The following CATSPERT variants were observed in gnomAD, a reference collection of about 807,000 sequenced individuals.
CATSPERT encodes the protein cation channel sperm-associated targeting subunit tau.
the CATSPERT span, among the ~76,000 whole-genome samples, chr2:201,560,571 G>A: frequency 6.6e-6 from 1 of 151,644 alleles, no homozygotes. Flanking sequence ...GAAATAATAC[G>A]GGCAGATGAA....
chr2:201,550,460 C>G, the CATSPERT span: 2 of 152,226 alleles, frequency 1.3e-5, no homozygotes, highest in East Asian at 3.9e-4. Flanking sequence ...TATACCTACT[C>G]TTTAAACCTG....
At chr2:201,569,361 C>G in the CATSPERT span, among the ~76,000 whole-genome samples, 3 of 152,156 alleles carry the variant, frequency 2.0e-5, no homozygotes, top group Non-Finnish European at 2.9e-5. Context: ...GGCTTCCTAT[C>G]TACTCATGTC....
the CATSPERT span, among the ~76,000 whole-genome samples, chr2:201,527,371 C>T: frequency 3.9e-5 from 6 of 152,154 alleles, no homozygotes; most frequent in African/African-American, 1.4e-4. Flanking sequence ...TCCTACCAAA[C>T]CACCAATGAC....
chr2:201,503,476 C>T, the CATSPERT span, among the ~76,000 whole-genome samples: 2 of 152,116 alleles, frequency 1.3e-5, no homozygotes, highest in Non-Finnish European at 2.9e-5. Context: ...CTCACTGTAG[C>T]CTCTAACTCC....
chr2:201,581,535 GA>G, the CATSPERT span, among the ~76,000 whole-genome samples: 1 of 14,934 alleles, frequency 6.7e-5, no homozygotes, highest in Non-Finnish European at 1.3e-4. Context: ...AAATATTCTG[GA>G]AAAAAATGTG....
chr2:201,553,827 C>T, the CATSPERT span: 9 of 152,192 alleles, frequency 5.9e-5, no homozygotes, highest in African/African-American at 1.9e-4. Context: ...CTAATAGGCA[C>T]TGTCTGCCTG....
the CATSPERT span, among the ~76,000 whole-genome samples, chr2:201,608,201 G>C: frequency 2.0e-5 from 3 of 152,094 alleles, no homozygotes; most frequent in African/African-American, 7.2e-5. Context: ...AGGATGGAAT[G>C]CAGTGGTACA....
chr2:201,539,511 G>GT, the CATSPERT span, among the ~76,000 whole-genome samples: 1,793 of 89,730 alleles, frequency 0.02, 85 homozygotes, highest in African/African-American at 0.032. Flanking sequence ...TTTTAACGAG[G>GT]TTTTTTTTTT....
At chr2:201,530,961 G>GTTTTTTTTTTTTTTTTTTTTT in the CATSPERT span, among the ~76,000 whole-genome samples, 1 of 106,046 alleles carries the variant, frequency 9.4e-6, no homozygotes, top group Non-Finnish European at 1.9e-5. Context: ...TTTTTTGTGG[G>GTTTTTTTTTTTTTTTTTTTTT]TTTTTTTTTT....
At chr2:201,509,673 AAAC>A in the CATSPERT span, among the ~76,000 whole-genome samples, 1 of 151,068 alleles carries the variant, frequency 6.6e-6, no homozygotes, top group Admixed American at 6.6e-5. Flanking sequence ...ATGTGATTAA[AAAC>A]AATTATTTAC....
chr2:201,619,159 C>A, the CATSPERT span: 5 of 1,610,416 alleles, frequency 3.1e-6, no homozygotes, highest in South Asian at 5.5e-5. Context: ...CTGTCTGCGC[C>A]CAACCGACGG....
the CATSPERT span, among the ~76,000 whole-genome samples, chr2:201,503,007 G>T: frequency 6.6e-6 from 1 of 151,656 alleles, no homozygotes; most frequent in Admixed American, 6.6e-5. Flanking sequence ...TCTCTTAAAG[G>T]TTACTATTTC....
chr2:201,561,035 C>A, the CATSPERT span, among the ~76,000 whole-genome samples: 1 of 152,134 alleles, frequency 6.6e-6, no homozygotes, highest in East Asian at 1.9e-4. Context: ...CCCGCCTCGG[C>A]CTCCCAAAAT....
the CATSPERT span, among the ~76,000 whole-genome samples, chr2:201,544,543 TCA>T: frequency 2.2e-4 from 33 of 150,444 alleles, 1 homozygote; most frequent in South Asian, 6.3e-4. Context: ...ACTTTCTTTT[TCA>T]CACACACACA....
chr2:201,582,002 C>T, the CATSPERT span: 1 of 1,449,016 alleles, frequency 6.9e-7, no homozygotes, highest in South Asian at 1.4e-5. Flanking sequence ...AGATAATAAA[C>T]AAAAAAAGCC....
the CATSPERT span, among the ~76,000 whole-genome samples, chr2:201,596,019 A>G: frequency 6.6e-6 from 1 of 152,190 alleles, no homozygotes. Flanking sequence ...CAGTGTGGTG[A>G]TTCCTCAAAG....
chr2:201,491,472 A>C, the CATSPERT span: 2 of 1,536,674 alleles, frequency 1.3e-6, no homozygotes, highest in Non-Finnish European at 1.7e-6. Context: ...TTATATAAAG[A>C]GTTTGTATTT....
the CATSPERT span, among the ~76,000 whole-genome samples, chr2:201,502,207 T>C: frequency 6.6e-6 from 1 of 152,228 alleles, no homozygotes; most frequent in African/African-American, 2.4e-5. Flanking sequence ...ACATGAATTC[T>C]AGGTGAACAG....
At chr2:201,559,231 C>T in the CATSPERT span, among the ~76,000 whole-genome samples, 1 of 152,212 alleles carries the variant, frequency 6.6e-6, no homozygotes, top group Non-Finnish European at 1.5e-5. Context: ...GGCATGTCCC[C>T]AGGCTGGGCA....
Sources: gnomAD v4.1 joint callset for allele counts (sites outside exome capture counted in the v4.1 genomes callset) on GRCh38, gnomAD v4.1.1 for gene constraint, MANE v1.5 for transcripts, NCBI Gene and HGNC (gene_info 2026-07-23, HGNC 2026-07-21) for gene names.